HECW1: variants seen among roughly 807,000 people sequenced by gnomAD.
HECW1 encodes E3 ubiquitin-protein ligase HECW1.
HECW1 carries 61 observed loss-of-function variants against 182.3 expected under a neutral mutation model. The ratio of observed to expected loss-of-function variants is 0.33; its 90% CI spans 0.27 to 0.41. HECW1 has a LOEUF of 0.41. Ranked by LOEUF, HECW1 falls within the 10% of genes least tolerant of loss-of-function variation. The probability of loss-of-function intolerance (pLI) is 1.00; values close to 1 mark genes in which losing one functional copy is unlikely to be tolerated. For missense variants in HECW1, 1,739 were observed against 2,108.9 expected, an observed-to-expected ratio of 0.82 and a Z score of 3.44; for synonymous variants, 859 against 832.6, an observed-to-expected ratio of 1.03 and a Z score of -0.55.
At chr7:43,259,679 A>G (rs1330061653) in intron 3 of HECW1, among the ~76,000 whole-genome samples, 1 of 152,234 alleles carries the variant, frequency 6.6e-6, no homozygotes, top group African/African-American at 2.4e-5. Context: ...TCTGATGTAA[A>G]TAATGGATTG....
intron 5 of HECW1, among the ~76,000 whole-genome samples, chr7:43,347,182 C>T (rs553229086): frequency 6.6e-6 from 1 of 152,118 alleles, no homozygotes; most frequent in South Asian, 2.1e-4. Flanking sequence ...TAGTGTTTTG[C>T]ACTTTTCTTT....
At chr7:43,193,259 T>C (rs1409759476) in intron 2 of HECW1, among the ~76,000 whole-genome samples, 1 of 152,224 alleles carries the variant, frequency 6.6e-6, no homozygotes, top group Non-Finnish European at 1.5e-5. Flanking sequence ...GCTCCTTTAC[T>C]GCGTCCTGTT....
chr7:43,466,649 TA>T, intron 15 of HECW1, 81 bp downstream of exon 15: 1 of 1,450,828 alleles, frequency 6.9e-7, no homozygotes, highest in Admixed American at 2.0e-5. Context: ...CTGATAGATC[TA>T]AAAGGGTAGA....
At chr7:43,495,637 C>T (rs1161888098) in intron 19 of HECW1, among the ~76,000 whole-genome samples, 1 of 152,142 alleles carries the variant, frequency 6.6e-6, no homozygotes, top group African/African-American at 2.4e-5. Flanking sequence ...AGATCTTTAG[C>T]ATGAACAAGT....
At chr7:43,180,209 A>C (rs1422585624) in intron 2 of HECW1, among the ~76,000 whole-genome samples, 1 of 101,790 alleles carries the variant, frequency 9.8e-6, no homozygotes, top group Non-Finnish European at 2.0e-5. Context: ...GCTGGTAATG[A>C]ATGTTTGCCC....
chr7:43,534,356 C>T (rs754079019), intron 24 of HECW1, among the ~76,000 whole-genome samples: 72 of 152,258 alleles, frequency 4.7e-4, no homozygotes, highest in Admixed American at 1.0e-3. Context: ...TTGAAAAATA[C>T]ACTGAAATCA....
At chr7:43,502,383 A>G (rs1246973874) in intron 21 of HECW1, among the ~76,000 whole-genome samples, 1 of 152,216 alleles carries the variant, frequency 6.6e-6, no homozygotes, top group Non-Finnish European at 1.5e-5. Flanking sequence ...TTCGCCAGAC[A>G]CAATGGCTAA....
chr7:43,476,027 CGTT>C (rs2078208537), intron 16 of HECW1, among the ~76,000 whole-genome samples: 1 of 152,020 alleles, frequency 6.6e-6, no homozygotes, highest in Non-Finnish European at 1.5e-5. Context: ...TCTTATTTAA[CGTT>C]GTTCTAGAAG....
intron 17 of HECW1, among the ~76,000 whole-genome samples, chr7:43,483,959 G>T (rs1223474648): frequency 6.6e-6 from 1 of 152,158 alleles, no homozygotes; most frequent in Non-Finnish European, 1.5e-5. Flanking sequence ...TCAGATGGAA[G>T]GGGATGAGGC....
intron 3 of HECW1, chr7:43,274,102 C>G (rs949275053): frequency 2.1e-4 from 79 of 378,954 alleles, no homozygotes; most frequent in Admixed American, 9.5e-4. Flanking sequence ...CCACCCGCCT[C>G]GGCCTCCCAA....
At chr7:43,334,161 T>C (rs1028933288) in intron 5 of HECW1, among the ~76,000 whole-genome samples, 1 of 152,206 alleles carries the variant, frequency 6.6e-6, no homozygotes, top group African/African-American at 2.4e-5. Context: ...TGCCTGAACA[T>C]TGTGTGTGCC....
rs369426459 is a variant in HECW1, at chr7:43,305,948, C to T, written c.28-5815C>T. The stretch of plus-strand genomic sequence containing the variant: ...GCTAATTTTGTATTTTTAGTAGAGA[C>T]GGGGTTTCTCCATGTTGGTCAAGCT... On this transcript the variant is annotated intron_variant, in intron 3 of 29. Transcript: ENST00000395891. Among the ~76,000 whole-genome samples, 134 of 151,970 alleles carry T rather than the reference C, an allele frequency of 8.8e-4. 1 individual carries two copies. Among genetic ancestry groups the T allele is most frequent in the African/African-American group, 3.0e-3 (125 of 41,438 alleles).
chr7:43,552,874 A>G (rs1379836792), intron 28 of HECW1, among the ~76,000 whole-genome samples: 1 of 151,848 alleles, frequency 6.6e-6, no homozygotes, highest in Admixed American at 6.6e-5. Flanking sequence ...CCTTTCTCCA[A>G]CTCCCAACCT....
At chr7:43,134,868 A>G (rs1787353212) in intron 2 of HECW1, among the ~76,000 whole-genome samples, 1 of 152,166 alleles carries the variant, frequency 6.6e-6, no homozygotes, top group South Asian at 2.1e-4. Flanking sequence ...AATTCTTTGT[A>G]GATAATCTGG....
intron 5 of HECW1, among the ~76,000 whole-genome samples, chr7:43,356,883 A>T (rs983869657): frequency 1.3e-5 from 2 of 152,198 alleles, no homozygotes; most frequent in African/African-American, 4.8e-5. Flanking sequence ...ATAGTAAACA[A>T]CTCAAGAGCA....
chr7:43,256,878 G>T (rs533490354), intron 3 of HECW1, among the ~76,000 whole-genome samples: 2 of 152,252 alleles, frequency 1.3e-5, no homozygotes, highest in Admixed American at 1.3e-4. Context: ...TATAAACCAT[G>T]TATTGACAAT....
chr7:43,251,993 A>G (rs1355642968), intron 3 of HECW1, among the ~76,000 whole-genome samples: 2 of 152,120 alleles, frequency 1.3e-5, no homozygotes, highest in Admixed American at 6.5e-5. Context: ...TTGACTTGTA[A>G]GAATCTCAGC....
chr7:43,257,920 T>C (rs915217461), intron 3 of HECW1, among the ~76,000 whole-genome samples: 1 of 152,160 alleles, frequency 6.6e-6, no homozygotes, highest in Non-Finnish European at 1.5e-5. Flanking sequence ...ACTTGGCAGG[T>C]TTTCATTAAG....
intron 2 of HECW1, among the ~76,000 whole-genome samples, chr7:43,181,624 T>C (rs1792866351): frequency 6.6e-6 from 1 of 150,922 alleles, no homozygotes; most frequent in Admixed American, 6.6e-5. Flanking sequence ...TGTTGACTAT[T>C]TGTATTCTTT....
Sources: gnomAD v4.1 joint callset for allele counts (sites outside exome capture counted in the v4.1 genomes callset) on GRCh38, gnomAD v4.1.1 for gene constraint, MANE v1.5 for transcripts, NCBI Gene and HGNC (gene_info 2026-07-23, HGNC 2026-07-21) for gene names.